The following PTK7 variants were observed in gnomAD, a reference collection of about 807,000 sequenced individuals.
PTK7 encodes the protein protein tyrosine kinase 7 (inactive).
A neutral mutation model predicts 116.6 loss-of-function variants in PTK7; 39 were observed. That is an observed-to-expected ratio of 0.33 (90% CI 0.26 to 0.44). PTK7 has a LOEUF of 0.44. Among genes scored for constraint, PTK7 ranks in the 20% least tolerant of loss-of-function variants. PTK7 has a pLI of 1.00. For missense variants in PTK7, 1,169 were observed against 1,425.6 expected (o/e 0.82, Z 2.90); for synonymous variants, 546 against 563.6 (o/e 0.97, Z 0.44).
At chr6:43,091,426 C>G (rs1178122240) in intron 1 of PTK7, among the ~76,000 whole-genome samples, 1 of 152,146 alleles carries the variant, frequency 6.6e-6, no homozygotes, top group Non-Finnish European at 1.5e-5. Flanking sequence ...CTCGGCCTCT[C>G]GAAGTGTTGG....
chr6:43,160,403 C>A (rs888426668), intron 19 of PTK7, among the ~76,000 whole-genome samples: 1 of 152,198 alleles, frequency 6.6e-6, no homozygotes, highest in Admixed American at 6.5e-5. Flanking sequence ...CAGGCGTGAG[C>A]CACCACACCT....
chr6:43,130,347 G>A lies in PTK7; in HGVS notation c.588G>A (p.Gly196=), dbSNP rs747770633. 9 of 1,612,410 alleles carry A rather than the reference G, an allele frequency of 5.6e-6. No homozygotes were observed. In the Admixed American group the frequency reaches 8.3e-5, roughly 15 times the overall value. Residue 196 remains glycine, a synonymous_variant, in exon 4 of 20, where the codon GGG becomes GGA. Coordinates refer to ENST00000230419, the MANE Select transcript of PTK7 (RefSeq NM_002821.5). ...TLRPAGPEHS[G]LYSCCAHSAF... ...GGCCAGCTGGTCCTGAGCATAGTGG[G>A]CTGTATTCCTGCTGCGCCCACAGTG...
chr6:43,127,765 TA>T (rs902481345), intron 1 of PTK7, among the ~76,000 whole-genome samples: 2 of 152,020 alleles, frequency 1.3e-5, no homozygotes, highest in African/African-American at 4.8e-5. Context: ...CCATCTCTAC[TA>T]AAAATACAAA....
At chr6:43,117,351 C>G (rs143414565) in intron 1 of PTK7, among the ~76,000 whole-genome samples, 5 of 152,172 alleles carry the variant, frequency 3.3e-5, no homozygotes, top group African/African-American at 9.6e-5. Flanking sequence ...AAATACCTGC[C>G]CGTGGAACAC....
At position 43,132,628 on chromosome 6, in the gene PTK7, C is replaced by A. The variant is rs1331643372; in HGVS notation, c.1169C>A (p.Thr390Asn). 6.3e-7 allele frequency: 1 copy of A among 1,596,600 alleles called. No homozygotes were observed. The highest frequency in any genetic ancestry group is 1.1e-5 in the South Asian group (1 of 89,112). ...GCTGAAAGTGATGCTGGTGTCTACACCTGCCACGCGGCCAACCTGGCTGGT... is the reference window on the plus strand; with the variant it reads ...GCTGAAAGTGATGCTGGTGTCTACAACTGCCACGCGGCCAACCTGGCTGGT... The part of the protein sequence containing the change: ...NIAESDAGVY[T>N]CHAANLAGQR... The change falls in exon 7 of 20, where the codon ACC becomes AAC. Residue 390 changes from threonine to asparagine, a missense_variant. Thr to Asn is a moderately conservative substitution (Grantham distance 65, BLOSUM62 0). This residue lies in a region of PTK7 where 487 missense variants were observed against 549.8 expected (regional missense o/e 0.89). Coordinates refer to ENST00000230419, the MANE Select transcript of PTK7 (RefSeq NM_002821.5).
Position 43,145,212 on chromosome 6 carries a change from T to A in PTK7, c.2420T>A (p.Phe807Tyr), listed in dbSNP as rs370280048. Reference protein sequence around the residue: ...QPITTLGKSEFGEVFLAKAQG... With the variant: ...QPITTLGKSEYGEVFLAKAQG... Reference sequence around the variant, plus strand: ...ACTGTACCCACAGGGAAGAGTGAGTTTGGGGAGGTGTTCCTGGCAAAGGCT... The same window carrying A: ...ACTGTACCCACAGGGAAGAGTGAGTATGGGGAGGTGTTCCTGGCAAAGGCT... The change falls in exon 16 of 20, where the codon TTT (phenylalanine) becomes TAT (tyrosine). Residue 807 changes from phenylalanine to tyrosine, a missense_variant. Around this residue, in one of 3 missense-constraint regions of PTK7, gnomAD observed 678 missense variants for 853.8 expected, o/e 0.79. Transcript: ENST00000230419. The surrounding 1 kb of genome is among the most constrained non-coding windows in gnomAD (Gnocchi z 4.8). 2.6e-5 allele frequency: 42 copies of A among 1,608,024 alleles called. 1 individual carries two copies. In the South Asian group the frequency reaches 4.7e-4, roughly 18 times the overall value.
chr6:43,102,605 A>C (rs112006086), intron 1 of PTK7, among the ~76,000 whole-genome samples: 1 of 151,964 alleles, frequency 6.6e-6, no homozygotes, highest in Non-Finnish European at 1.5e-5. Flanking sequence ...CCCACCAAAA[A>C]AAAACCAAAA....
rs73736711 is a variant in PTK7, at chr6:43,144,382, G to C, written c.2252-69G>C. On this transcript the variant is annotated intron_variant, in intron 14 of 19. Transcript: ENST00000230419. ...GGCAAGAGTGGAAGACCAGGGGACA[G>C]AACAGAAATCCCCATGGTGGCCAGA... 3.6e-3 allele frequency: 5,768 copies of C among 1,596,858 alleles called. 167 individuals are homozygous for C. The African/African-American group carries it at 0.065, about 18-fold the overall frequency.
chr6:43,085,358 C>T (rs541659969), intron 1 of PTK7, among the ~76,000 whole-genome samples: 27 of 152,228 alleles, frequency 1.8e-4, no homozygotes, highest in Admixed American at 3.3e-4. Flanking sequence ...GCGCCATTCT[C>T]CTCCCTCAGC....
At chr6:43,156,868 G>C (rs1026663367) in intron 17 of PTK7, among the ~76,000 whole-genome samples, 3 of 151,940 alleles carry the variant, frequency 2.0e-5, no homozygotes, top group Non-Finnish European at 4.4e-5. Context: ...CTGCCCTCCA[G>C]CGTGGGTGAC....
At chr6:43,084,696 T>A (rs1766561374) in intron 1 of PTK7, among the ~76,000 whole-genome samples, 1 of 152,038 alleles carries the variant, frequency 6.6e-6, no homozygotes, top group Non-Finnish European at 1.5e-5. Context: ...TCAGATGAAG[T>A]ATGAAAGACA....
At chr6:43,156,168 G>A (rs576348600) in intron 17 of PTK7, among the ~76,000 whole-genome samples, 1 of 140,004 alleles carries the variant, frequency 7.1e-6, no homozygotes, top group Non-Finnish European at 1.5e-5. Context: ...GGCAGAGGTT[G>A]CAGTGAGCTG....
At position 43,132,107 on chromosome 6, in the gene PTK7, A is replaced by G. The variant is rs1263912363; in HGVS notation, c.904A>G (p.Ile302Val). 1 of 1,613,968 alleles carries G rather than the reference A, an allele frequency of 6.2e-7. No individual in the cohort carries two copies. The highest frequency in any genetic ancestry group is 1.3e-5 in the African/African-American group (1 of 74,946). The change falls in exon 6 of 20, where the codon ATT becomes GTT. Residue 302 changes from isoleucine (I) to valine (V), a missense_variant. This residue lies in a region of PTK7 where 487 missense variants were observed against 549.8 expected (regional missense o/e 0.89). Transcript: ENST00000230419. ...RPRNAGIYRC[I>V]GQGQRGPPII... The stretch of plus-strand genomic sequence containing the variant: ...ACGCAATGCAGGGATCTACCGCTGC[A>G]TTGGCCAGGGGCAGAGGGGCCCACC...
chr6:43,079,186 G>T (rs911779383), intron 1 of PTK7, among the ~76,000 whole-genome samples: 4 of 151,010 alleles, frequency 2.6e-5, no homozygotes, highest in African/African-American at 7.3e-5. Flanking sequence ...CCAAGGGTGC[G>T]GCCAGGCCTG....
intron 10 of PTK7, among the ~76,000 whole-genome samples, chr6:43,140,304 T>C (rs1394844242): frequency 6.6e-6 from 1 of 151,690 alleles, no homozygotes; most frequent in East Asian, 1.9e-4. Context: ...ATACAAAAAA[T>C]TAGCCAGGGG....
At chr6:43,154,188 A>T (rs1048863021) in intron 17 of PTK7, among the ~76,000 whole-genome samples, 1 of 151,770 alleles carries the variant, frequency 6.6e-6, no homozygotes, top group Non-Finnish European at 1.5e-5. Flanking sequence ...ATAAATAAAT[A>T]AAATTAGCAT....
intron 1 of PTK7, among the ~76,000 whole-genome samples, chr6:43,104,893 A>G (rs540891131): frequency 2.0e-5 from 3 of 148,856 alleles, no homozygotes; most frequent in South Asian, 2.1e-4. Flanking sequence ...GCTCACTCCA[A>G]TCTCCGCCTC....
At position 43,160,994 on chromosome 6, in the gene PTK7, G is replaced by A. The variant is rs1582241752; in HGVS notation, c.*113G>A. 2 of 1,382,090 alleles carry A rather than the reference G, an allele frequency of 1.4e-6. No individual in the cohort carries two copies. The highest frequency in any genetic ancestry group is 1.9e-6 in the Non-Finnish European group (2 of 1,033,650). 85.6% of individuals were successfully genotyped at this position (1,382,090 alleles called of 1,614,324 possible). A position where few individuals can be genotyped will look rare whatever the true frequency, so the allele number is the denominator to read the frequency against. On this transcript the variant is annotated 3_prime_UTR_variant, in exon 20 of 20. Coordinates refer to ENST00000230419, the MANE Select transcript of PTK7 (RefSeq NM_002821.5). ...TGGGCCCTGAGGCCCCTGCCCTAGT[G>A]CAACAGGCATTGCTGAGGTCTGAGC... is the stretch of plus-strand genomic sequence containing the variant.
In PTK7 at chr6:43,161,550, G is replaced by T. The variant is rs1195204494; in HGVS notation, c.*669G>T. On this transcript the variant is annotated 3_prime_UTR_variant, in exon 20 of 20. Coordinates refer to ENST00000230419, the MANE Select transcript of PTK7 (RefSeq NM_002821.5). ...CGGGCGGCTTTTATATGTAATTGCA[G>T]CGTGGGGTGGGTGGGCATGGGAGGT... is the stretch of plus-strand genomic sequence containing the variant. 6.6e-6 allele frequency: 1 copy of T among 151,298 alleles called. No individual in the cohort carries two copies. Among genetic ancestry groups the T allele is most frequent in the East Asian group, 1.9e-4 (1 of 5,180 alleles). 9.4% of individuals were successfully genotyped at this position (151,298 alleles called of 1,614,324 possible). A position where few individuals can be genotyped will look rare whatever the true frequency, so the allele number is the denominator to read the frequency against.
Sources: allele counts gnomAD v4.1 joint callset (sites outside exome capture counted in the v4.1 genomes callset), GRCh38; gene constraint gnomAD v4.1.1; regional missense constraint gnomAD v4.1.1; non-coding constraint Gnocchi (gnomAD v3.1); transcripts MANE v1.5; gene names NCBI Gene and HGNC (gene_info 2026-07-23, HGNC 2026-07-21).